WDR6: variants seen among roughly 807,000 people sequenced by gnomAD.
WDR6 encodes tRNA (34-2'-O)-methyltransferase regulator WDR6.
In WDR6, 58 loss-of-function variants were observed where a neutral mutation model predicts 85.6. That is an observed-to-expected ratio of 0.68 (90% CI 0.55 to 0.84). WDR6 has a LOEUF of 0.84. Among genes scored for constraint, WDR6 ranks in the 40% least tolerant of loss-of-function variants. The pLI is 0.00. For synonymous variants in WDR6, 569 were observed against 582.2 expected, an observed-to-expected ratio of 0.98 and a Z score of 0.33; for missense variants, 1,310 against 1,476.4, an observed-to-expected ratio of 0.89 and a Z score of 1.85.
chr3:49,014,294 G>A lies in WDR6; in HGVS notation c.2666+1G>A. The stretch of plus-strand genomic sequence containing the variant: ...CAGCCTGTAGTGATGGGGCCGTAAG[G>A]TGAGAGCATAGGGCCCAGTGGGACA... On this transcript the variant is annotated splice_donor_variant, in intron 3 of 5. Transcript: ENST00000608424. LOFTEE classifies it high-confidence loss of function. The surrounding 1 kb of genome is among the most constrained non-coding windows in gnomAD (Gnocchi z 4.9). 1.2e-6 allele frequency: 2 copies of A among 1,614,176 alleles called. No individual in the cohort carries two copies. Among genetic ancestry groups the A allele is most frequent in the Admixed American group, 1.7e-5 (1 of 60,028 alleles).
At chr3:49,011,419 A>C in intron 1 of WDR6, 3 of 1,443,482 alleles carry the variant, frequency 2.1e-6, no homozygotes, top group Non-Finnish European at 1.8e-6. Context: ...CTTTTGAGAC[A>C]GAGTCTGGCT....
In WDR6 at chr3:49,012,234, C is replaced by T. The variant is rs145869440; in HGVS notation, c.700C>T (p.Arg234Cys). ...LATASEDRSV[R>C]IWKVGDLRVP... Reference sequence around the variant, plus strand: ...TACAGCTTCAGAAGACCGAAGCGTTCGTATCTGGAAGGTGGGCGACCTGCG... The same window carrying T: ...TACAGCTTCAGAAGACCGAAGCGTTTGTATCTGGAAGGTGGGCGACCTGCG... Residue 234 changes from arginine to cysteine, a missense_variant, in exon 2 of 6, where the codon CGT becomes TGT. Arg to Cys is a radical substitution (Grantham distance 180). Coordinates refer to ENST00000608424, the MANE Select transcript of WDR6 (RefSeq NM_018031.6). This position sits in a 1 kb window ranked among gnomAD's most constrained non-coding sequence, Gnocchi z 4.4. 2.0e-5 allele frequency: 33 copies of T among 1,614,224 alleles called. No individual in the cohort carries two copies. The highest frequency in any genetic ancestry group is 1.9e-4 in the South Asian group (17 of 91,078).
chr3:49,013,152 G>C lies in WDR6; in HGVS notation c.1618G>C (p.Ala540Pro). The change falls in exon 2 of 6, where the codon GCA (alanine) becomes CCA (proline). Residue 540 changes from alanine to proline, a missense_variant. Coordinates refer to ENST00000608424, the MANE Select transcript of WDR6 (RefSeq NM_018031.6). The surrounding 1 kb of genome is among the most constrained non-coding windows in gnomAD (Gnocchi z 4.6). ...AGGCAAGGCTCGGGCTGGTGCTGGG[G>C]CACCTGTAGTGGGTAGTGGTAGTAG... ...VGGKARAGAG[A>P]PVVGSGSSGG... 2 of 1,609,468 alleles carry C rather than the reference G, an allele frequency of 1.2e-6. No individual in the cohort carries two copies. Among genetic ancestry groups the C allele is most frequent in the Middle Eastern group, 1.7e-4 (1 of 6,052 alleles).
At position 49,015,879 on chromosome 3, in the gene WDR6, A is replaced by G. The variant is rs376211800; in HGVS notation, c.*591A>G. On this transcript the variant is annotated 3_prime_UTR_variant, in exon 6 of 6. Coordinates refer to ENST00000608424, the MANE Select transcript of WDR6 (RefSeq NM_018031.6). ...GTACCAGGAACTTGCATATCTAGAG[A>G]CAGAGACTGAGTCACTGGCCCATCT... 26 of 1,614,024 alleles carry G rather than the reference A, an allele frequency of 1.6e-5. 1 individual carries two copies. The highest frequency in any genetic ancestry group is 6.7e-5 in the East Asian group (3 of 44,898).
In WDR6 at chr3:49,012,725, G is replaced by C. The variant is rs1306015069; in HGVS notation, c.1191G>C (p.Glu397Asp). The C allele has an allele frequency of 1.9e-6, 3 of 1,613,948 alleles. No individual in the cohort carries two copies. In the South Asian group the frequency reaches 3.3e-5, roughly 18 times the overall value. The change falls in exon 2 of 6, where the codon GAG (glutamate) becomes GAC (aspartate). Residue 397 changes from glutamate (E) to aspartate (D), a missense_variant. Physicochemically the swap from Glu to Asp is conservative, Grantham distance 45. Coordinates refer to ENST00000608424, the MANE Select transcript of WDR6 (RefSeq NM_018031.6). This position sits in a 1 kb window ranked among gnomAD's most constrained non-coding sequence, Gnocchi z 4.4. ...ATTTCCAGTCCTACTGCCTGCTGGA[G>C]GCAGCTCCTGGTCCCGAGGGCTTCG... ...DKHFQSYCLL[E>D]AAPGPEGFGL...
chr3:49,011,103 T>C (rs2093011881), intron 1 of WDR6: 1 of 382,248 alleles, frequency 2.6e-6, no homozygotes, highest in Non-Finnish European at 5.3e-6. Context: ...TCTTTTTTCT[T>C]TTTTTTTTTT....
chr3:49,014,753 C>T lies in WDR6; in HGVS notation c.2902+35C>T. On this transcript the variant is annotated intron_variant, in intron 5 of 5. Transcript: ENST00000608424. This position sits in a 1 kb window ranked among gnomAD's most constrained non-coding sequence, Gnocchi z 4.9. The stretch of plus-strand genomic sequence containing the variant: ...TAATGTGCAACCATGGCTACCCCTC[C>T]TCACCTGTCACATAGCCCTCACACA... 6.2e-7 allele frequency: 1 copy of T among 1,611,740 alleles called. No homozygotes were observed. Among genetic ancestry groups the T allele is most frequent in the Non-Finnish European group, 8.5e-7 (1 of 1,178,642 alleles).
In WDR6 at chr3:49,011,907, C is replaced by T. The variant is rs1259988658; in HGVS notation, c.373C>T (p.Leu125Phe). 2 of 1,614,198 alleles carry T rather than the reference C, an allele frequency of 1.2e-6. No homozygotes were observed. The highest frequency in any genetic ancestry group is 1.7e-6 in the Non-Finnish European group (2 of 1,180,042). Residue 125 changes from leucine to phenylalanine, a missense_variant, in exon 2 of 6, where the codon CTT becomes TTT. Leu to Phe is a conservative substitution (Grantham distance 22, BLOSUM62 0). Coordinates refer to ENST00000608424, the MANE Select transcript of WDR6 (RefSeq NM_018031.6). ...MSDWIWDARW[L>F]EGNIALALGH... The stretch of plus-strand genomic sequence containing the variant: ...TGACTGGATTTGGGATGCACGCTGG[C>T]TTGAGGGAAATATAGCCTTGGCCCT...
chr3:49,014,663 G>GC lies in WDR6; in HGVS notation c.2848dup (p.Leu950ProfsTer4). On this transcript the variant is annotated frameshift_variant, in exon 5 of 6. Transcript: ENST00000608424. LOFTEE classifies it high-confidence loss of function. The surrounding 1 kb of genome is among the most constrained non-coding windows in gnomAD (Gnocchi z 4.9). Reference sequence around the variant, plus strand: ...TGGCTTTCTGGGATCTCACCACCATGCTAGACCATGACTCCACTGTCCTGG... The same window carrying GC: ...TGGCTTTCTGGGATCTCACCACCATGCCTAGACCATGACTCCACTGTCCTGG... 6.2e-7 allele frequency: 1 copy of GC among 1,613,540 alleles called. No homozygotes were observed. Among genetic ancestry groups the GC allele is most frequent in the Non-Finnish European group, 8.5e-7 (1 of 1,180,006 alleles).
Position 49,015,521 on chromosome 3 carries a change from T to G in WDR6, c.*233T>G. ...AAACAGTACCAATTTATTTTGGCCG[T>G]GGGTTTTTGCTTTTTTTCCAGTTGA... On this transcript the variant is annotated 3_prime_UTR_variant, in exon 6 of 6. Transcript: ENST00000608424. 1.3e-6 allele frequency: 2 copies of G among 1,596,016 alleles called. No homozygotes were observed. Among genetic ancestry groups the G allele is most frequent in the Non-Finnish European group, 1.7e-6 (2 of 1,168,360 alleles).
rs377586644 is a variant in WDR6, at chr3:49,012,512, C to T, written c.978C>T (p.His326=). 3 of 1,613,928 alleles carry T rather than the reference C, an allele frequency of 1.9e-6. No homozygotes were observed. The African/African-American group carries it at 4.0e-5, about 22-fold the overall frequency. ...GGDDSGIRLW[H]LVGRGYRGLG... is the part of the protein sequence containing the mutation. ...ATGACTCAGGCATTCGGCTGTGGCA[C>T]TTGGTAGGGCGTGGGTACCGGGGAT... is the stretch of plus-strand genomic sequence containing the variant. Residue 326 remains histidine, a synonymous_variant, in exon 2 of 6, where the codon CAC becomes CAT. Transcript: ENST00000608424. This position sits in a 1 kb window ranked among gnomAD's most constrained non-coding sequence, Gnocchi z 4.4.
In WDR6 at chr3:49,007,457, G is replaced by A; in HGVS notation, c.26G>A (p.Trp9Ter). 6.2e-7 allele frequency: 1 copy of A among 1,612,626 alleles called. No homozygotes were observed. ...ATGGACGCTCTCGAGGACTACGTTT[G>A]GCCGCGGGCAACCTCGGAGCTTATA... MDALEDYV[W>*]PRATSELILL... The change falls in exon 1 of 6, where the codon TGG becomes TAG. Residue 9 changes from tryptophan to a stop codon, truncating the protein, a stop_gained. Transcript: ENST00000608424. LOFTEE classifies it high-confidence loss of function. The surrounding 1 kb of genome is among the most constrained non-coding windows in gnomAD (Gnocchi z 5.1).
At chr3:49,008,727 C>T (rs1358757964) in intron 1 of WDR6, among the ~76,000 whole-genome samples, 1 of 152,104 alleles carries the variant, frequency 6.6e-6, no homozygotes, top group Non-Finnish European at 1.5e-5. Flanking sequence ...TGACTTTATC[C>T]CTAAGGGCAG....
In WDR6 at chr3:49,011,387, G is replaced by A. The variant is rs751750727; in HGVS notation, c.101-248G>A. Reference sequence around the variant, plus strand: ...AGCCACCGTGCCTGGCCGAGACCAAGGATTTTCTTTTTTTTTTTTTTCTTT... The same window carrying A: ...AGCCACCGTGCCTGGCCGAGACCAAAGATTTTCTTTTTTTTTTTTTTCTTT... On this transcript the variant is annotated intron_variant, in intron 1 of 5. Transcript: ENST00000608424. 5.8e-6 allele frequency: 8 copies of A among 1,376,502 alleles called. No homozygotes were observed. In the African/African-American group the frequency reaches 8.8e-5, roughly 15 times the overall value. The allele number at this position is 1,376,502 out of a possible 1,614,324, so 85.3% of individuals were successfully genotyped here.
chr3:49,007,826 C>T lies in WDR6; in HGVS notation c.100+295C>T, dbSNP rs142687238. Among the ~76,000 whole-genome samples the T allele has an allele frequency of 1.4e-5, 2 of 140,626 alleles. No individual in the cohort carries two copies. The highest frequency in any genetic ancestry group is 4.5e-4 in the East Asian group (2 of 4,418). 92.3% of individuals were successfully genotyped at this position (140,626 alleles called of 152,430 possible). A position where few individuals can be genotyped will look rare whatever the true frequency, so the allele number is the denominator to read the frequency against. ...GCAGGGGAACGCGGCCGCGCGGAGG[C>T]GGAGGCGGAGGCCCGGGAGCTGAGG... On this transcript the variant is annotated intron_variant, in intron 1 of 5. Coordinates refer to ENST00000608424, the MANE Select transcript of WDR6 (RefSeq NM_018031.6). The surrounding 1 kb of genome is among the most constrained non-coding windows in gnomAD (Gnocchi z 5.1).
chr3:49,015,279 G>T lies in WDR6; in HGVS notation c.3357G>T (p.Trp1119Cys). Residue 1119 changes from tryptophan (W) to cysteine (C), a missense_variant, in exon 6 of 6, where the codon TGG (tryptophan) becomes TGT (cysteine). Trp to Cys is a radical substitution (Grantham distance 215). Transcript: ENST00000608424. Reference sequence around the variant, plus strand: ...GTCAGGGGCTTGAGGTTTACAACTGGTATGACTGAGGTATCCTGCGGTGGC... The same window carrying T: ...GTCAGGGGCTTGAGGTTTACAACTGTTATGACTGAGGTATCCTGCGGTGGC... ...LGGQGLEVYN[W>C]YD 6.2e-7 allele frequency: 1 copy of T among 1,609,928 alleles called. No individual in the cohort carries two copies.
At position 49,007,405 on chromosome 3, in the gene WDR6, G is replaced by C. The variant is rs1452716312; in HGVS notation, c.-27G>C. 6.2e-7 allele frequency: 1 copy of C among 1,600,268 alleles called. No homozygotes were observed. The highest frequency in any genetic ancestry group is 8.5e-7 in the Non-Finnish European group (1 of 1,174,306). On this transcript the variant is annotated 5_prime_UTR_variant, in exon 1 of 6. Coordinates refer to ENST00000608424, the MANE Select transcript of WDR6 (RefSeq NM_018031.6). The surrounding 1 kb of genome is among the most constrained non-coding windows in gnomAD (Gnocchi z 5.1). ...AGAGTTCAGCTCCCTTCTTAGCCGT[G>C]GCTGCCTCAGCACCTCGAGGATCGA...
Position 49,007,701 on chromosome 3 carries a change from C to A in WDR6, c.100+170C>A. 7.6e-7 allele frequency: 1 copy of A among 1,314,576 alleles called. No individual in the cohort carries two copies. The highest frequency in any genetic ancestry group is 9.7e-7 in the Non-Finnish European group (1 of 1,026,510). 81.4% of individuals were successfully genotyped at this position (1,314,576 alleles called of 1,614,324 possible). Reference sequence around the variant, plus strand: ...GGAGATGGCGGGGACGAGGGCCAACCTGAAGAGGGCGGGGCCCGAGAGACA... The same window carrying A: ...GGAGATGGCGGGGACGAGGGCCAACATGAAGAGGGCGGGGCCCGAGAGACA... On this transcript the variant is annotated intron_variant, in intron 1 of 5. Transcript: ENST00000608424. The surrounding 1 kb of genome is among the most constrained non-coding windows in gnomAD (Gnocchi z 5.1).
At position 49,011,619 on chromosome 3, in the gene WDR6, C is replaced by T; in HGVS notation, c.101-16C>T. On this transcript the variant is annotated splice_polypyrimidine_tract_variant and intron_variant, in intron 1 of 5. Transcript: ENST00000608424. ...TTAGGTACCTAGCTCTGACATGGCT[C>T]TTTGCCTCTATCTAGGTGAGGGTCC... The T allele has an allele frequency of 6.2e-6, 10 of 1,612,662 alleles. No homozygotes were observed. The highest frequency in any genetic ancestry group is 8.5e-6 in the Non-Finnish European group (10 of 1,178,806).
Sources: allele counts gnomAD v4.1 joint callset (sites outside exome capture counted in the v4.1 genomes callset), GRCh38; gene constraint gnomAD v4.1.1; non-coding constraint Gnocchi (gnomAD v3.1); transcripts MANE v1.5; gene names NCBI Gene and HGNC (gene_info 2026-07-23, HGNC 2026-07-21).